The following NEBL variants were observed in gnomAD, a reference collection of about 807,000 sequenced individuals.
NEBL encodes the protein LIM and SH3 protein 2.
NEBL carries 122 observed loss-of-function variants against 140.2 expected under a neutral mutation model. The ratio of observed to expected loss-of-function variants is 0.87; its 90% confidence interval spans 0.75 to 1.01. NEBL has a LOEUF of 1.01. Among genes scored for constraint, NEBL ranks in the 50% least tolerant of loss-of-function variants. NEBL has a pLI of 0.00. For synonymous variants in NEBL, 436 were observed against 398.9 expected, an observed-to-expected ratio of 1.09 and a Z score of -1.11; for missense variants, 1,365 against 1,231.3, an observed-to-expected ratio of 1.11 and a Z score of -1.62.
At position 21,228,114 on chromosome 10, in the gene NEBL, T is replaced by G. The variant is rs180983975; in HGVS notation, n.348+19807A>C. On this transcript the variant is annotated intron_variant and non_coding_transcript_variant, in intron 3 of 8. Transcript: ENST00000675702. ...AAAAGTTAATCCAAAGTTTTTTGGG[T>G]TTTTTTTTTCGAGTTGTTGTTGTTG... Among the ~76,000 whole-genome samples the G allele has an allele frequency of 3.4e-5, 5 of 147,836 alleles. No individual in the cohort carries two copies. The East Asian group carries it at 5.9e-4, about 17-fold the overall frequency.
intron 2 of NEBL, among the ~76,000 whole-genome samples, chr10:21,033,795 T>G (rs965747872): frequency 6.6e-6 from 1 of 150,646 alleles, no homozygotes; most frequent in Non-Finnish European, 1.5e-5. Flanking sequence ...AAAATATCAA[T>G]ATCTCACTTG....
intron 26 of NEBL, among the ~76,000 whole-genome samples, chr10:20,800,456 G>A (rs1456240460): frequency 6.6e-6 from 1 of 152,100 alleles, no homozygotes; most frequent in Non-Finnish European, 1.5e-5. Context: ...TATTTACAGG[G>A]TGGTGGTTTC....
intron 3 of NEBL, among the ~76,000 whole-genome samples, chr10:21,225,611 C>T (rs1442731759): frequency 6.6e-6 from 1 of 152,186 alleles, no homozygotes; most frequent in South Asian, 2.1e-4. Context: ...CAAAGTTCTT[C>T]CCACTCTTCT....
At chr10:21,230,896 T>C (rs72798581) in intron 3 of NEBL, among the ~76,000 whole-genome samples, 6,137 of 152,202 alleles carry the variant, frequency 0.04, 193 homozygotes, top group South Asian at 0.14. Flanking sequence ...TGAGCCACTG[T>C]GCCTAGCCAC....
intron 3 of NEBL, chr10:20,961,828 A>G: frequency 7.1e-7 from 1 of 1,415,258 alleles, no homozygotes; most frequent in East Asian, 2.3e-5. Flanking sequence ...CACGAATCCC[A>G]CTCGGGATAG....
intron 3 of NEBL, among the ~76,000 whole-genome samples, chr10:21,193,653 T>C (rs1841609343): frequency 6.6e-6 from 1 of 152,244 alleles, no homozygotes; most frequent in African/African-American, 2.4e-5. Flanking sequence ...CAACCTCATT[T>C]TGAGTAATAA....
At chr10:20,899,229 G>C (rs1252676989), upstream of NEBL, 1 of 322,838 alleles carries the variant, frequency 3.1e-6, no homozygotes, top group African/African-American at 2.2e-5. Flanking sequence ...AAATAGGGAG[G>C]AGTAATTTCT....
rs376657963 is a variant in NEBL at position 21,036,043 on chromosome 10, A to C, written c.165-15842T>G. 4.3e-4 allele frequency among the ~76,000 whole-genome samples: 65 copies of C among 152,152 alleles called. No homozygotes were observed. In the East Asian group the frequency reaches 0.01, roughly 24 times the overall value. ...CTGGGCATGGTGGCGCGCACCTGTA[A>C]TCCCAGCTACTCAGGGAGCCGAGGC... On this transcript the variant is annotated intron_variant, in intron 2 of 6. Transcript: ENST00000417816.
rs533501695 is a variant in NEBL, at chr10:21,281,592, C to A, written n.182+11238G>T. On this transcript the variant is annotated intron_variant and non_coding_transcript_variant, in intron 1 of 8. Transcript: ENST00000675702. ...CACAGCCCCTCCCCAAACACACATT[C>A]ATCCTCCCCACCATCCACATCCTGA... Among the ~76,000 whole-genome samples the A allele has an allele frequency of 5.3e-5, 8 of 152,054 alleles. No homozygotes were observed. The East Asian group carries it at 1.5e-3, about 29-fold the overall frequency.
chr10:20,961,304 C>T (rs1278908190), intron 4 of NEBL, among the ~76,000 whole-genome samples: 2 of 152,080 alleles, frequency 1.3e-5, no homozygotes, highest in African/African-American at 2.4e-5. Context: ...GACACCTAGT[C>T]GGCAAATAGG....
intron 3 of NEBL, among the ~76,000 whole-genome samples, chr10:21,001,920 A>T (rs1019723733): frequency 6.6e-6 from 1 of 152,118 alleles, no homozygotes; most frequent in Non-Finnish European, 1.5e-5. Context: ...TTCCACCAAC[A>T]CTTATTTCTC....
intron 3 of NEBL, among the ~76,000 whole-genome samples, chr10:21,238,376 A>G (rs187012262): frequency 6.6e-6 from 1 of 152,314 alleles, no homozygotes; most frequent in Admixed American, 6.5e-5. Flanking sequence ...TGCATTTCAT[A>G]AAAGTGAGTA....
At chr10:21,188,593 A>G (rs1407820790) in intron 3 of NEBL, among the ~76,000 whole-genome samples, 2 of 148,910 alleles carry the variant, frequency 1.3e-5, no homozygotes, top group Non-Finnish European at 2.9e-5. Context: ...GATATATAGT[A>G]AAATCTTTTT....
intron 26 of NEBL, among the ~76,000 whole-genome samples, chr10:20,799,357 T>C (rs529888708): frequency 6.6e-6 from 1 of 152,272 alleles, no homozygotes; most frequent in East Asian, 1.9e-4. Context: ...GGTCTCACCA[T>C]GTTGGCCAAG....
intron 7 of NEBL, among the ~76,000 whole-genome samples, chr10:20,867,256 T>A (rs1172569564): frequency 1.3e-5 from 2 of 152,112 alleles, no homozygotes; most frequent in African/African-American, 4.8e-5. Flanking sequence ...GAGTTAACAT[T>A]TTTTAGGATG....
chr10:21,108,417 T>C (rs1359295071), intron 2 of NEBL, among the ~76,000 whole-genome samples: 1 of 152,170 alleles, frequency 6.6e-6, no homozygotes, highest in African/African-American at 2.4e-5. Context: ...GTTTCATTAT[T>C]TACCCAGTAG....
At chr10:20,890,316 C>T (rs45516596) in intron 2 of NEBL, among the ~76,000 whole-genome samples, 17,271 of 152,208 alleles carry the variant, frequency 0.11, 1,193 homozygotes, top group Non-Finnish European at 0.15. Flanking sequence ...ACACATAAGC[C>T]TTTGGCCAAA....
intron 2 of NEBL, among the ~76,000 whole-genome samples, chr10:21,102,574 C>A (rs1194889198): frequency 6.6e-6 from 1 of 152,160 alleles, no homozygotes; most frequent in Non-Finnish European, 1.5e-5. Context: ...TTTGAGTTTC[C>A]TTTGAGTGCA....
chr10:21,040,561 C>T (rs569710201), intron 2 of NEBL, among the ~76,000 whole-genome samples: 32 of 152,202 alleles, frequency 2.1e-4, no homozygotes, highest in Admixed American at 3.9e-4. Context: ...ACTAACAGAG[C>T]GAGAACTCAC....
Sources: gnomAD v4.1 joint callset for allele counts (sites outside exome capture counted in the v4.1 genomes callset) on GRCh38, gnomAD v4.1.1 for gene constraint, MANE v1.5 for transcripts, NCBI Gene and HGNC (gene_info 2026-07-23, HGNC 2026-07-21) for gene names.